Variants in FSTL5 observed in about 807,000 individuals in gnomAD.
The protein encoded by FSTL5 is follistatin like 5.
FSTL5 carries 62 observed loss-of-function variants against 89.1 expected under a neutral mutation model. The ratio of observed to expected loss-of-function variants is 0.70; its 90% confidence interval spans 0.57 to 0.86. The LOEUF (loss-of-function observed/expected upper bound fraction) is 0.86. Among genes scored for constraint, FSTL5 ranks in the 40% least tolerant of loss-of-function variants. The pLI is 0.00. For synonymous variants in FSTL5, 383 were observed against 346.2 expected (o/e 1.11, Z -1.18); for missense variants, 1,057 against 1,001.6 (o/e 1.06, Z -0.75).
At chr4:161,748,157 T>A (rs4691025) in intron 6 of FSTL5, among the ~76,000 whole-genome samples, 2 of 151,896 alleles carry the variant, frequency 1.3e-5, no homozygotes, top group African/African-American at 4.8e-5. Flanking sequence ...AACTAATTAC[T>A]TGTATAAAAG....
At chr4:161,755,892 T>C (rs1740551576) in intron 6 of FSTL5, among the ~76,000 whole-genome samples, 3 of 152,062 alleles carry the variant, frequency 2.0e-5, no homozygotes, top group Admixed American at 2.0e-4. Context: ...ACAAAGCCTG[T>C]CACTAAACTT....
chr4:162,027,757 CT>C (rs1560978430), intron 3 of FSTL5, among the ~76,000 whole-genome samples: 2 of 151,070 alleles, frequency 1.3e-5, no homozygotes, highest in Non-Finnish European at 3.0e-5. Context: ...GTTTTAGATT[CT>C]CTTATTGGTA....
At chr4:161,602,253 AAGAGAGAGAGAG>A (rs58991875) in intron 7 of FSTL5, among the ~76,000 whole-genome samples, 2,183 of 122,758 alleles carry the variant, frequency 0.018, 52 homozygotes, top group African/African-American at 0.06. Flanking sequence ...GAGGGAGAGA[AAGAGAGAGAGAG>A]AGAGAGAGAG....
At chr4:162,008,959 G>C (rs562575512) in intron 3 of FSTL5, among the ~76,000 whole-genome samples, 1 of 152,102 alleles carries the variant, frequency 6.6e-6, no homozygotes, top group South Asian at 2.1e-4. Context: ...GACAAATTAA[G>C]TTGAAAATTA....
At chr4:161,891,831 C>A (rs1732998134) in intron 4 of FSTL5, among the ~76,000 whole-genome samples, 1 of 151,974 alleles carries the variant, frequency 6.6e-6, no homozygotes. Flanking sequence ...TATTATAGAT[C>A]TTATAATGCT....
At chr4:161,720,145 C>T (rs1739141064) in intron 6 of FSTL5, among the ~76,000 whole-genome samples, 1 of 151,090 alleles carries the variant, frequency 6.6e-6, no homozygotes, top group Non-Finnish European at 1.5e-5. Context: ...TATTTGCAAA[C>T]CCATAGTTGA....
At chr4:161,832,386 T>G (rs940334427) in intron 4 of FSTL5, among the ~76,000 whole-genome samples, 18 of 152,186 alleles carry the variant, frequency 1.2e-4, no homozygotes, top group African/African-American at 4.3e-4. Flanking sequence ...AGGATGATGC[T>G]GGCCTCACAA....
At chr4:162,055,419 T>A (rs1431912586) in intron 2 of FSTL5, among the ~76,000 whole-genome samples, 1 of 151,574 alleles carries the variant, frequency 6.6e-6, no homozygotes, top group African/African-American at 2.4e-5. Context: ...CTGTAATATC[T>A]CTGTGAAAAT....
At chr4:161,861,912 C>G (rs1314094982) in intron 4 of FSTL5, among the ~76,000 whole-genome samples, 1 of 152,140 alleles carries the variant, frequency 6.6e-6, no homozygotes, top group African/African-American at 2.4e-5. Flanking sequence ...TTCATTCCAT[C>G]TCACTGAAAA....
chr4:161,924,954 A>G (rs535489417), intron 3 of FSTL5, among the ~76,000 whole-genome samples: 1 of 152,058 alleles, frequency 6.6e-6, no homozygotes, highest in South Asian at 2.1e-4. Context: ...TTGGTTAAAA[A>G]GAACAACAGA....
chr4:161,509,502 GA>G (rs367554428), intron 11 of FSTL5, among the ~76,000 whole-genome samples: 25 of 149,174 alleles, frequency 1.7e-4, no homozygotes, highest in Admixed American at 8.1e-4. Context: ...ATCTAAGAGA[GA>G]AAAAAAAAAT....
intron 15 of FSTL5, among the ~76,000 whole-genome samples, chr4:161,448,996 T>C (rs572432659): frequency 3.8e-4 from 58 of 152,294 alleles, no homozygotes; most frequent in Admixed American, 7.2e-4. Flanking sequence ...TTTTGAACAC[T>C]AGTTGTTTGT....
chr4:161,473,579 T>C (rs1734024233), intron 13 of FSTL5, among the ~76,000 whole-genome samples: 1 of 151,916 alleles, frequency 6.6e-6, no homozygotes. Context: ...CAGGTGCGTG[T>C]CACCACACCC....
At chr4:162,017,821 C>A (rs1369812256) in intron 3 of FSTL5, among the ~76,000 whole-genome samples, 1 of 152,090 alleles carries the variant, frequency 6.6e-6, no homozygotes, top group Non-Finnish European at 1.5e-5. Flanking sequence ...ATGGTTCTTC[C>A]AGAGTCCCTT....
chr4:162,051,318 T>A (rs1738372419), intron 2 of FSTL5, among the ~76,000 whole-genome samples: 1 of 151,488 alleles, frequency 6.6e-6, no homozygotes, highest in Admixed American at 6.6e-5. Context: ...TTATATAAAT[T>A]AAATTGATTA....
chr4:161,714,205 A>G (rs556380363), intron 6 of FSTL5, among the ~76,000 whole-genome samples: 1 of 152,034 alleles, frequency 6.6e-6, no homozygotes, highest in Admixed American at 6.6e-5. Context: ...ACATGCAGAA[A>G]CTCATTAAAG....
In FSTL5 at chr4:161,775,941, A is replaced by C. The variant is rs764038886; in HGVS notation, c.543T>G (p.Asp181Glu). The C allele has an allele frequency of 6.2e-7, 1 of 1,606,574 alleles. No individual in the cohort carries two copies. Among genetic ancestry groups the C allele is most frequent in the Non-Finnish European group, 8.5e-7 (1 of 1,176,374 alleles). The change falls in exon 5 of 16, where the codon GAT (aspartate) becomes GAG (glutamate). Residue 181 changes from aspartate to glutamate, a missense_variant. By Grantham distance (45) the Asp-to-Glu change is conservative. Around this residue, in one of 3 missense-constraint regions of FSTL5, gnomAD observed 980 missense variants for 903.2 expected, o/e 1.08. Transcript: ENST00000306100. ...DDISRKKLLV[D>E]QMFKYFDADS... ...CTGCATCAAAATATTTAAACATTTG[A>C]TCCACCAATAGCTTCTTCCGAGATA...
At chr4:162,096,700 T>A (rs920744861) in intron 2 of FSTL5, among the ~76,000 whole-genome samples, 3 of 151,910 alleles carry the variant, frequency 2.0e-5, no homozygotes, top group African/African-American at 4.8e-5. Context: ...GTAGCTTTAA[T>A]TTTTTCCAAA....
At chr4:161,951,293 C>CACT (rs1734887376) in intron 3 of FSTL5, among the ~76,000 whole-genome samples, 1 of 152,038 alleles carries the variant, frequency 6.6e-6, no homozygotes, top group Non-Finnish European at 1.5e-5. Context: ...CAGACTAATA[C>CACT]ACTACTACTA....
Sources: allele counts gnomAD v4.1 joint callset (sites outside exome capture counted in the v4.1 genomes callset), GRCh38; gene constraint gnomAD v4.1.1; regional missense constraint gnomAD v4.1.1; transcripts MANE v1.5; gene names NCBI Gene and HGNC (gene_info 2026-07-23, HGNC 2026-07-21).